The following MSI2 variants were observed in gnomAD, a reference collection of about 807,000 sequenced individuals.
MSI2 encodes musashi RNA binding protein 2.
In MSI2, 17 loss-of-function variants were observed where a neutral mutation model predicts 45.6. The observed-to-expected ratio is 0.37, with a 90% confidence interval of 0.26 to 0.56. The LOEUF is 0.56. Among genes scored for constraint, MSI2 ranks in the 20% least tolerant of loss-of-function variants. MSI2 has a pLI of 0.77. For missense variants in MSI2, 293 were observed against 444.2 expected (o/e 0.66, Z 3.06); for synonymous variants, 156 against 158.2 (o/e 0.99, Z 0.11).
intron 5 of MSI2, among the ~76,000 whole-genome samples, chr17:57,356,975 C>T (rs1455877133): frequency 3.3e-5 from 5 of 152,016 alleles, no homozygotes; most frequent in Admixed American, 1.3e-4. Context: ...TATTTTGGAC[C>T]GGTTGAGACG....
intron 5 of MSI2, among the ~76,000 whole-genome samples, chr17:57,277,406 A>C (rs1908972345): frequency 1.3e-5 from 2 of 152,104 alleles, no homozygotes; most frequent in Admixed American, 1.3e-4. Flanking sequence ...AGTATGGCAG[A>C]CCATGGGTGT....
chr17:57,424,686 C>G (rs563349532), intron 6 of MSI2, among the ~76,000 whole-genome samples: 1 of 152,036 alleles, frequency 6.6e-6, no homozygotes, highest in African/African-American at 2.4e-5. Flanking sequence ...TTTCCAGAGG[C>G]TGCATGCACC....
chr17:57,517,688 T>C (rs1449918351), intron 6 of MSI2, among the ~76,000 whole-genome samples: 1 of 152,114 alleles, frequency 6.6e-6, no homozygotes, highest in Non-Finnish European at 1.5e-5. Context: ...GCTGAGTTCA[T>C]TGGAATCAAA....
At chr17:57,606,902 G>T (rs112792920) in intron 8 of MSI2, among the ~76,000 whole-genome samples, 14 of 152,016 alleles carry the variant, frequency 9.2e-5, no homozygotes, top group Admixed American at 5.9e-4. Flanking sequence ...TGATGGGGGG[G>T]GGTGGCTGGC....
intron 7 of MSI2, among the ~76,000 whole-genome samples, chr17:57,565,623 G>T (rs1425596690): frequency 1.3e-5 from 2 of 152,068 alleles, no homozygotes; most frequent in Non-Finnish European, 2.9e-5. Context: ...TAAGGACAGG[G>T]CACTCTCTGA....
rs144841922 is a variant in MSI2, at chr17:57,652,627, C to T, written c.790+466C>T. ...CTGGTCTGGCTAAACCCCCAGAGCC[C>T]CTGAAAGCAGCCATGGGACCAGCCC... On this transcript the variant is annotated intron_variant, in intron 11 of 13. Coordinates refer to ENST00000284073, the MANE Select transcript of MSI2 (RefSeq NM_138962.4). The surrounding 1 kb of genome is among the most constrained non-coding windows in gnomAD (Gnocchi z 4.1). Among the ~76,000 whole-genome samples the T allele has an allele frequency of 1.4e-4, 21 of 152,284 alleles. No homozygotes were observed. The highest frequency in any genetic ancestry group is 3.4e-3 in the Middle Eastern group (1 of 294).
At chr17:57,308,557 T>G (rs2143588009) in intron 5 of MSI2, among the ~76,000 whole-genome samples, 1 of 152,318 alleles carries the variant, frequency 6.6e-6, no homozygotes, top group Admixed American at 6.5e-5. Context: ...TGGCATATGA[T>G]GTTTGACCCT....
At chr17:57,418,257 C>T (rs1423409213) in intron 6 of MSI2, among the ~76,000 whole-genome samples, 4 of 152,340 alleles carry the variant, frequency 2.6e-5, no homozygotes, top group South Asian at 4.1e-4. Context: ...GTCAACTTGA[C>T]GTCTCAAAGA....
chr17:57,434,124 G>A (rs891074983), intron 6 of MSI2, among the ~76,000 whole-genome samples: 1 of 152,072 alleles, frequency 6.6e-6, no homozygotes, highest in Non-Finnish European at 1.5e-5. Context: ...TCTGGAGACG[G>A]AGTCTTGCTC....
the MSI2 span, among the ~76,000 whole-genome samples, chr17:57,695,244 G>C: frequency 2.6e-5 from 4 of 152,202 alleles, no homozygotes; most frequent in African/African-American, 9.6e-5. Flanking sequence ...TGTGGAAGGG[G>C]GCGGAATATT....
At chr17:57,316,876 A>C (rs996925911) in intron 5 of MSI2, among the ~76,000 whole-genome samples, 2 of 151,942 alleles carry the variant, frequency 1.3e-5, no homozygotes, top group Non-Finnish European at 2.9e-5. Flanking sequence ...TGGTGATGGG[A>C]CACTAGAAAT....
chr17:57,438,689 A>G (rs958003659), intron 6 of MSI2, among the ~76,000 whole-genome samples: 4 of 152,078 alleles, frequency 2.6e-5, no homozygotes, highest in Admixed American at 6.6e-5. Flanking sequence ...TAGGAGGGGG[A>G]AAATGGAAGT....
chr17:57,582,004 A>G (rs2144371683), intron 7 of MSI2, among the ~76,000 whole-genome samples: 1 of 152,314 alleles, frequency 6.6e-6, no homozygotes, highest in South Asian at 2.1e-4. Context: ...GAACCTCCCC[A>G]ATGCCTCTCA....
chr17:57,507,051 C>T (rs1232770289), intron 6 of MSI2, among the ~76,000 whole-genome samples: 1 of 152,020 alleles, frequency 6.6e-6, no homozygotes, highest in African/African-American at 2.4e-5. Flanking sequence ...AGTGTTGAAT[C>T]CATAATGTAT....
chr17:57,320,668 C>T (rs963033030), intron 5 of MSI2, among the ~76,000 whole-genome samples: 2 of 152,098 alleles, frequency 1.3e-5, no homozygotes, highest in Non-Finnish European at 2.9e-5. Context: ...ATTCGGAGTC[C>T]TAAGCTTTCC....
At chr17:57,636,550 G>T (rs987045273) in intron 10 of MSI2, among the ~76,000 whole-genome samples, 7 of 152,174 alleles carry the variant, frequency 4.6e-5, no homozygotes, top group African/African-American at 1.7e-4. Context: ...TCCTGCCTTG[G>T]CGTCTCCTGT....
intron 2 of MSI2, 22 bp downstream of exon 2, chr17:57,257,160 G>T (rs1002601634): frequency 1.4e-6 from 2 of 1,463,736 alleles, no homozygotes; most frequent in Non-Finnish European, 1.9e-6. Flanking sequence ...AGGGGGGGAC[G>T]CCTGGGTCCC....
chr17:57,603,033 T>C (rs1174645124), intron 8 of MSI2, among the ~76,000 whole-genome samples: 4 of 152,176 alleles, frequency 2.6e-5, no homozygotes, highest in Admixed American at 2.6e-4. Context: ...GACTTGGGAA[T>C]GAAGGGAGCA....
chr17:57,331,951 T>C (rs792397), intron 5 of MSI2, among the ~76,000 whole-genome samples: 33,719 of 152,126 alleles, frequency 0.22, 8,558 homozygotes, highest in African/African-American at 0.62. Flanking sequence ...ATATCAGTGA[T>C]GACATTCATT....
Sources: allele counts gnomAD v4.1 joint callset (sites outside exome capture counted in the v4.1 genomes callset), GRCh38; gene constraint gnomAD v4.1.1; non-coding constraint Gnocchi (gnomAD v3.1); transcripts MANE v1.5; gene names NCBI Gene and HGNC (gene_info 2026-07-23, HGNC 2026-07-21).